Variants in SVIL observed in about 807,000 individuals in gnomAD.
The protein encoded by SVIL is archvillin.
In SVIL, 101 loss-of-function variants were observed where a neutral mutation model predicts 240.4. That is an observed-to-expected ratio of 0.42 (90% CI 0.36 to 0.50). The LOEUF (loss-of-function observed/expected upper bound fraction) is 0.50. Among genes scored for constraint, SVIL ranks in the 20% least tolerant of loss-of-function variants. The pLI is 0.01. For synonymous variants in SVIL, 999 were observed against 1,100.0 expected (o/e 0.91, Z 1.82); for missense variants, 2,512 against 2,818.7 (o/e 0.89, Z 2.46).
At chr10:29,473,808 C>T in intron 30 of SVIL, 30 bp downstream of exon 30, 1 of 1,613,058 alleles carries the variant, frequency 6.2e-7, no homozygotes, top group Non-Finnish European at 8.5e-7. Flanking sequence ...TCCTCTCAGT[C>T]CCCGGGGTGC....
chr10:29,722,236 A>AAAAG (rs1386441528), intron 1 of SVIL, among the ~76,000 whole-genome samples: 2 of 151,104 alleles, frequency 1.3e-5, no homozygotes, highest in African/African-American at 4.9e-5. Context: ...AAAAAAAAAA[A>AAAAG]AAAGAAAGAA....
At chr10:29,672,334 AG>A (rs1249388897) in intron 2 of SVIL, among the ~76,000 whole-genome samples, 1 of 152,204 alleles carries the variant, frequency 6.6e-6, no homozygotes, top group Non-Finnish European at 1.5e-5. Flanking sequence ...TCTCTCCTCT[AG>A]AGTGTTAAAA....
chr10:29,606,952 A>G (rs534313557), intron 1 of SVIL, among the ~76,000 whole-genome samples: 8 of 152,174 alleles, frequency 5.3e-5, no homozygotes, highest in African/African-American at 1.9e-4. Flanking sequence ...ACGAGGTTTC[A>G]CCACGCTGGC....
chr10:29,575,314 G>T, intron 1 of SVIL: 1 of 211,680 alleles, frequency 4.7e-6, no homozygotes, highest in Non-Finnish European at 1.0e-5. Context: ...CTAGGCCAAT[G>T]CTGAATTATT....
rs374558037 is a variant in SVIL at position 29,518,771 on chromosome 10, A to G, written c.3389+3639T>C. 3.1e-3 allele frequency among the ~76,000 whole-genome samples: 469 copies of G among 152,026 alleles called. 6 individuals are homozygous for G. In the South Asian group the frequency reaches 0.045, roughly 15 times the overall value. On this transcript the variant is annotated intron_variant, in intron 16 of 37. Coordinates refer to ENST00000355867, the MANE Select transcript of SVIL (RefSeq NM_021738.3). The stretch of plus-strand genomic sequence containing the variant: ...CTCAGGAGGGTGAGGCAGGAGAATC[A>G]CTTGAACCTGGGAGGCGGAGGTTGT...
At chr10:29,604,257 T>C (rs1426898250) in intron 1 of SVIL, among the ~76,000 whole-genome samples, 1 of 149,070 alleles carries the variant, frequency 6.7e-6, no homozygotes, top group African/African-American at 2.5e-5. Context: ...TGGAGTGCAG[T>C]GGTGCCATCT....
At chr10:29,619,548 C>T (rs1957550582) in intron 1 of SVIL, among the ~76,000 whole-genome samples, 2 of 152,172 alleles carry the variant, frequency 1.3e-5, no homozygotes, top group South Asian at 4.1e-4. Context: ...AAACTCACAG[C>T]CCTGCTTTCC....
intron 1 of SVIL, among the ~76,000 whole-genome samples, chr10:29,609,505 T>A (rs1010158968): frequency 6.6e-6 from 1 of 152,196 alleles, no homozygotes; most frequent in Non-Finnish European, 1.5e-5. Context: ...CTCACCACAC[T>A]GTAGGTAACA....
intron 1 of SVIL, among the ~76,000 whole-genome samples, chr10:29,616,901 T>G (rs1168588353): frequency 6.6e-6 from 1 of 152,178 alleles, no homozygotes; most frequent in Admixed American, 6.5e-5. Context: ...TTTTATATTT[T>G]TAGTAGAGAC....
chr10:29,594,553 T>A (rs79141453), intron 1 of SVIL, among the ~76,000 whole-genome samples: 2,092 of 117,148 alleles, frequency 0.018, 56 homozygotes, highest in African/African-American at 0.058. Flanking sequence ...CTTCTTAATT[T>A]TTTTTCTTTT....
intron 2 of SVIL, among the ~76,000 whole-genome samples, chr10:29,661,124 G>A (rs1440292409): frequency 6.7e-6 from 1 of 148,868 alleles, no homozygotes; most frequent in South Asian, 2.1e-4. Context: ...CCGAGATTGC[G>A]CCACTGCACT....
intron 1 of SVIL, among the ~76,000 whole-genome samples, chr10:29,708,087 C>T (rs1963021196): frequency 6.6e-6 from 1 of 151,188 alleles, no homozygotes. Flanking sequence ...GAAACCCCGT[C>T]TCCACTAAAA....
chr10:29,561,544 T>C (rs1269572621), intron 3 of SVIL, among the ~76,000 whole-genome samples: 1 of 152,212 alleles, frequency 6.6e-6, no homozygotes, highest in Non-Finnish European at 1.5e-5. Flanking sequence ...GTTTTGATCA[T>C]CTGCATAGGT....
chr10:29,555,578 A>T (rs1033239254), intron 3 of SVIL, among the ~76,000 whole-genome samples: 1 of 152,206 alleles, frequency 6.6e-6, no homozygotes, highest in African/African-American at 2.4e-5. Context: ...TATGTCACAT[A>T]TATAGGTTGG....
intron 1 of SVIL, among the ~76,000 whole-genome samples, chr10:29,570,967 C>A (rs1357247575): frequency 7.2e-5 from 11 of 152,212 alleles, no homozygotes; most frequent in South Asian, 4.1e-4. Context: ...TCTTGCCTTA[C>A]CTTGTTTCTC....
chr10:29,502,225 C>T (rs1354442577), intron 17 of SVIL, among the ~76,000 whole-genome samples: 1 of 152,114 alleles, frequency 6.6e-6, no homozygotes, highest in Non-Finnish European at 1.5e-5. Context: ...TAGCTTAGGA[C>T]CCCCTAATTG....
chr10:29,590,165 CAAAAAAAAAAAAAA>C lies in SVIL; in HGVS notation c.-200-20867_-200-20854del, dbSNP rs58469441. Among the ~76,000 whole-genome samples, 218 of 79,664 alleles carry C rather than the reference CAAAAAAAAAAAAAA, an allele frequency of 2.7e-3. 1 individual carries two copies. The highest frequency in any genetic ancestry group is 3.1e-3 in the Non-Finnish European group (141 of 45,758). The allele number at this position is 79,664 out of a possible 152,430, so 52.3% of individuals were successfully genotyped here. On this transcript the variant is annotated intron_variant, in intron 1 of 37. Transcript: ENST00000355867. ...TTGGCAACAGAGCAAGACTCCGTCTCAAAAAAAAAAAAAAAAAAAAAAAAAAAAAAGTTGTAAAG... is the reference window on the plus strand; with the variant it reads ...TTGGCAACAGAGCAAGACTCCGTCTCAAAAAAAAAAAAAAAAGTTGTAAAG...
At chr10:29,682,553 G>A (rs989737784) in intron 2 of SVIL, among the ~76,000 whole-genome samples, 3 of 152,200 alleles carry the variant, frequency 2.0e-5, no homozygotes, top group Admixed American at 6.5e-5. Context: ...TTAATAAAAG[G>A]AACCAAACCA....
intron 2 of SVIL, among the ~76,000 whole-genome samples, chr10:29,672,489 GA>G (rs1171580345): frequency 2.0e-5 from 3 of 151,892 alleles, no homozygotes; most frequent in African/African-American, 7.3e-5. Context: ...AAAGAAAAAA[GA>G]AAAAAATAGA....
Sources: allele counts gnomAD v4.1 joint callset (sites outside exome capture counted in the v4.1 genomes callset), GRCh38; gene constraint gnomAD v4.1.1; transcripts MANE v1.5; gene names NCBI Gene and HGNC (gene_info 2026-07-23, HGNC 2026-07-21).